The following PHF20 variants were observed in gnomAD, a reference collection of about 807,000 sequenced individuals.
PHF20 encodes the protein PHD finger protein 20, also known as glioma-expressed antigen 2.
In PHF20, 23 loss-of-function variants were observed where a neutral mutation model predicts 113.5. The ratio of observed to expected loss-of-function variants is 0.20; its 90% CI spans 0.15 to 0.29. The LOEUF (loss-of-function observed/expected upper bound fraction) is 0.29, where lower values mean the gene tolerates loss of function less well. Among genes scored for constraint, PHF20 ranks in the 10% least tolerant of loss-of-function variants. PHF20 has a pLI of 1.00. For synonymous variants in PHF20, 434 were observed against 457.3 expected, an observed-to-expected ratio of 0.95 and a Z score of 0.65; for missense variants, 943 against 1,219.6, an observed-to-expected ratio of 0.77 and a Z score of 3.38.
At chr20:35,878,468 C>T in intron 9 of PHF20, 1 of 563,630 alleles carries the variant, frequency 1.8e-6, no homozygotes, top group South Asian at 2.6e-5. Flanking sequence ...TCGACAAACA[C>T]AGATGTTTCC....
At chr20:35,891,494 A>G (rs1418054877) in intron 9 of PHF20, among the ~76,000 whole-genome samples, 4 of 152,202 alleles carry the variant, frequency 2.6e-5, no homozygotes, top group Non-Finnish European at 5.9e-5. Flanking sequence ...TAAAATACTT[A>G]CAGGAATTCT....
chr20:35,836,619 C>A (rs962978121), intron 2 of PHF20, among the ~76,000 whole-genome samples: 1 of 151,976 alleles, frequency 6.6e-6, no homozygotes, highest in Admixed American at 6.6e-5. Context: ...CCGAGGCGGG[C>A]GGATCACGAG....
At chr20:35,915,994 G>A (rs912606078) in intron 12 of PHF20, among the ~76,000 whole-genome samples, 4 of 152,000 alleles carry the variant, frequency 2.6e-5, no homozygotes, top group South Asian at 2.1e-4. Flanking sequence ...AAAGTTAGCC[G>A]GTTGTTGTGG....
intron 10 of PHF20, among the ~76,000 whole-genome samples, chr20:35,910,378 A>C (rs905229477): frequency 1.3e-5 from 2 of 152,032 alleles, no homozygotes; most frequent in Non-Finnish European, 2.9e-5. Context: ...AATGCAACTG[A>C]ATTGGTTGTT....
Position 35,822,847 on chromosome 20 carries a change from A to T in PHF20, c.84-19726A>T, listed in dbSNP as rs1403071786. Among the ~76,000 whole-genome samples the T allele has an allele frequency of 5.1e-5, 5 of 98,724 alleles. No individual in the cohort carries two copies. In the East Asian group the frequency reaches 8.4e-4, roughly 17 times the overall value. The allele number at this position is 98,724 out of a possible 152,430, so 64.8% of individuals were successfully genotyped here. The stretch of plus-strand genomic sequence containing the variant: ...GGTCACAGAGCAAGACCCTGCTTCT[A>T]AAAAAAAAAAAAAAAAAAAAAAAAA... On this transcript the variant is annotated intron_variant, in intron 2 of 17. Transcript: ENST00000374012.
At chr20:35,773,013 G>C (rs1197833778) in intron 1 of PHF20, among the ~76,000 whole-genome samples, 1 of 152,152 alleles carries the variant, frequency 6.6e-6, no homozygotes, top group East Asian at 1.9e-4. Context: ...ACAAATAAGG[G>C]AATTCACTGC....
Position 35,799,478 on chromosome 20 carries a change from A to G in PHF20, c.-32-2013A>G, listed in dbSNP as rs772315498. 3.3e-5 allele frequency among the ~76,000 whole-genome samples: 5 copies of G among 151,910 alleles called. No homozygotes were observed. The South Asian group carries it at 1.0e-3, about 32-fold the overall frequency. ...GAGACCCTGTCTAAAAAAAATTTTA[A>G]AAAGTCCAGAGTTTAGTGGGAGGAA... On this transcript the variant is annotated intron_variant, in intron 1 of 17. Coordinates refer to ENST00000374012, the MANE Select transcript of PHF20 (RefSeq NM_016436.5).
chr20:35,871,903 A>T (rs1303232785), intron 9 of PHF20, 74 bp downstream of exon 9: 22 of 1,131,592 alleles, frequency 1.9e-5, no homozygotes, highest in Non-Finnish European at 2.6e-5. Flanking sequence ...AAAAAAAAAA[A>T]AATGACTTTT....
intron 9 of PHF20, among the ~76,000 whole-genome samples, chr20:35,877,980 G>A (rs1234039833): frequency 6.6e-6 from 1 of 152,188 alleles, no homozygotes; most frequent in Non-Finnish European, 1.5e-5. Context: ...TTAGCATGAT[G>A]ACTATAATAG....
intron 5 of PHF20, among the ~76,000 whole-genome samples, chr20:35,861,333 G>T (rs1026551181): frequency 6.6e-6 from 1 of 152,054 alleles, no homozygotes; most frequent in Non-Finnish European, 1.5e-5. Context: ...TAACGTTTTG[G>T]TGTGTAACTT....
At chr20:35,886,160 A>C (rs916520934) in intron 9 of PHF20, among the ~76,000 whole-genome samples, 1 of 145,524 alleles carries the variant, frequency 6.9e-6, no homozygotes, top group Non-Finnish European at 1.5e-5. Flanking sequence ...TTTTTTTGAG[A>C]CAGAGTCTCA....
chr20:35,931,182 G>A (rs1176096672), intron 14 of PHF20, 67 bp from the exon 15 acceptor site: 2 of 1,054,398 alleles, frequency 1.9e-6, no homozygotes, highest in Non-Finnish European at 1.4e-6. Flanking sequence ...ATAATTGTGT[G>A]AGAGTGATGA....
At chr20:35,933,803 G>A (rs1447796172) in intron 15 of PHF20, among the ~76,000 whole-genome samples, 1 of 152,206 alleles carries the variant, frequency 6.6e-6, no homozygotes, top group Non-Finnish European at 1.5e-5. Flanking sequence ...AAAGTGCTGT[G>A]ATAACAGGCG....
intron 10 of PHF20, among the ~76,000 whole-genome samples, chr20:35,909,562 C>A (rs1013599860): frequency 1.3e-5 from 2 of 152,000 alleles, no homozygotes; most frequent in Admixed American, 1.3e-4. Flanking sequence ...GGCATCTGAC[C>A]ATGTTTTGCC....
chr20:35,944,185 G>A (rs2056043656), intron 17 of PHF20, among the ~76,000 whole-genome samples: 1 of 152,158 alleles, frequency 6.6e-6, no homozygotes, highest in South Asian at 2.1e-4. Flanking sequence ...TATGGAGAGG[G>A]TGGCCTGCTG....
At chr20:35,785,067 G>T (rs1373507667) in intron 1 of PHF20, among the ~76,000 whole-genome samples, 2 of 151,632 alleles carry the variant, frequency 1.3e-5, no homozygotes, top group Non-Finnish European at 2.9e-5. Flanking sequence ...AAAAAAAGAG[G>T]GTAGTGGGTT....
At chr20:35,893,311 GA>G (rs1189984424) in intron 9 of PHF20, among the ~76,000 whole-genome samples, 1 of 151,564 alleles carries the variant, frequency 6.6e-6, no homozygotes, top group Non-Finnish European at 1.5e-5. Context: ...GTTTGGCCAT[GA>G]CTTTTTTTTT....
intron 4 of PHF20, among the ~76,000 whole-genome samples, chr20:35,848,506 C>T (rs779340218): frequency 5.9e-5 from 9 of 152,090 alleles, no homozygotes; most frequent in Non-Finnish European, 1.3e-4. Flanking sequence ...CCACCTCGGC[C>T]TCCCAAAGTT....
At chr20:35,867,574 G>C (rs1358116939) in intron 6 of PHF20, among the ~76,000 whole-genome samples, 1 of 152,048 alleles carries the variant, frequency 6.6e-6, no homozygotes, top group Non-Finnish European at 1.5e-5. Context: ...TTGTATTTAT[G>C]TTTAACTTGG....
Sources: gnomAD v4.1 joint callset for allele counts (sites outside exome capture counted in the v4.1 genomes callset) on GRCh38, gnomAD v4.1.1 for gene constraint, MANE v1.5 for transcripts, NCBI Gene and HGNC (gene_info 2026-07-23, HGNC 2026-07-21) for gene names.